The following AKAP13 variants were observed in gnomAD, a reference collection of about 807,000 sequenced individuals.
AKAP13 encodes A-kinase anchor protein 13.
In AKAP13, 80 loss-of-function variants were observed where a neutral mutation model predicts 264.5. The ratio of observed to expected loss-of-function variants is 0.30; its 90% CI spans 0.25 to 0.36. The LOEUF (loss-of-function observed/expected upper bound fraction) is 0.36, where lower values mean the gene tolerates loss of function less well. AKAP13 is among the 10% of genes least tolerant of loss of function. The pLI, the probability that AKAP13 is intolerant of heterozygous loss-of-function variation, is 1.00. For synonymous variants in AKAP13, 1,380 were observed against 1,250.2 expected (o/e 1.10, Z -2.19); for missense variants, 3,712 against 3,435.2 (o/e 1.08, Z -2.01).
At chr15:85,555,584 C>A in intron 5 of AKAP13, 1 of 792,990 alleles carries the variant, frequency 1.3e-6, no homozygotes. Context: ...CAACCTGAAG[C>A]ATCATTGAAC....
Position 85,415,992 on chromosome 15 carries a change from A to G in AKAP13, c.-12+35194A>G, listed in dbSNP as rs553400284. ...TGGATCAAGGCAGATTTGTAAATAG[A>G]AGAATAATGAGTCAGTATGGTAAAT... On this transcript the variant is annotated intron_variant, in intron 1 of 36. Coordinates refer to ENST00000394518, the MANE Select transcript of AKAP13 (RefSeq NM_007200.5). Among the ~76,000 whole-genome samples, 5 of 152,328 alleles carry G rather than the reference A, an allele frequency of 3.3e-5. No individual in the cohort carries two copies. The South Asian group carries it at 1.0e-3, about 32-fold the overall frequency.
At chr15:85,735,884 T>A (rs1329214085) in intron 32 of AKAP13, among the ~76,000 whole-genome samples, 1 of 152,234 alleles carries the variant, frequency 6.6e-6, no homozygotes, top group Non-Finnish European at 1.5e-5. Context: ...AGGACCAGTT[T>A]CATTAGGTTT....
At chr15:85,548,954 A>G (rs927662516) in intron 5 of AKAP13, among the ~76,000 whole-genome samples, 9 of 150,866 alleles carry the variant, frequency 6.0e-5, no homozygotes, top group Non-Finnish European at 1.0e-4. Flanking sequence ...ACTGTCTTCA[A>G]TGGGTTGCTT....
intron 9 of AKAP13, among the ~76,000 whole-genome samples, chr15:85,644,743 G>T (rs921174352): frequency 1.3e-4 from 20 of 150,320 alleles, no homozygotes; most frequent in African/African-American, 4.6e-4. Flanking sequence ...GCACGTGCCT[G>T]TAGTCCCAGC....
At chr15:85,542,231 G>A (rs1183464546) in intron 4 of AKAP13, among the ~76,000 whole-genome samples, 1 of 152,206 alleles carries the variant, frequency 6.6e-6, no homozygotes, top group African/African-American at 2.4e-5. Context: ...ACCTGCACAT[G>A]TAGTTGTTGC....
chr15:85,419,563 G>A (rs763417489), intron 1 of AKAP13, among the ~76,000 whole-genome samples: 9 of 152,114 alleles, frequency 5.9e-5, no homozygotes, highest in African/African-American at 2.2e-4. Context: ...AAGATTCTTG[G>A]TATTCTAGTT....
intron 30 of AKAP13, among the ~76,000 whole-genome samples, chr15:85,731,377 G>GT (rs2088015783): frequency 1.3e-5 from 2 of 152,010 alleles, no homozygotes; most frequent in Non-Finnish European, 2.9e-5. Context: ...ATTTGCTTAT[G>GT]TTTTTTGATA....
intron 1 of AKAP13, among the ~76,000 whole-genome samples, chr15:85,483,272 C>T (rs1596309323): frequency 6.6e-6 from 1 of 152,218 alleles, no homozygotes; most frequent in African/African-American, 2.4e-5. Context: ...AAACCGTGGC[C>T]TGCAGGCTGC....
At chr15:85,692,736 A>G (rs2151638193) in intron 16 of AKAP13, among the ~76,000 whole-genome samples, 1 of 152,346 alleles carries the variant, frequency 6.6e-6, no homozygotes, top group African/African-American at 2.4e-5. Flanking sequence ...ATTTCTAACT[A>G]GAGTAAAGGA....
rs143476050 is a variant in AKAP13, at chr15:85,543,885, C to A, written c.592C>A (p.Gln198Lys). Residue 198 changes from glutamine (Q) to lysine (K), a missense_variant, in exon 5 of 37, where the codon CAG becomes AAG. Physicochemically the swap from Gln to Lys is moderately conservative, Grantham distance 53. Around this residue, in one of 3 missense-constraint regions of AKAP13, gnomAD observed 2,759 missense variants for 2,411.7 expected, o/e 1.14. Transcript: ENST00000394518. The part of the protein sequence containing the change: ...GGRGALSIHN[Q>K]EGATPVSLAL... Reference sequence around the variant, plus strand: ...CCGCGGAGCTCTCAGTATCCACAACCAGGAAGGGGCGACGCCTGTGAGCTT... The same window carrying A: ...CCGCGGAGCTCTCAGTATCCACAACAAGGAAGGGGCGACGCCTGTGAGCTT... 117 of 1,613,980 alleles carry A rather than the reference C, an allele frequency of 7.2e-5. No individual in the cohort carries two copies. The highest frequency in any genetic ancestry group is 9.5e-5 in the Non-Finnish European group (112 of 1,180,008).
chr15:85,735,588 C>T lies in AKAP13; in HGVS notation c.7470C>T (p.Gly2490=), dbSNP rs771928627. Reference sequence around the variant, plus strand: ...GCGAGAAGGAAGAGGGAGATGATGGCCAAGATCTTAGGAGAACGGAATCAG... The same window carrying T: ...GCGAGAAGGAAGAGGGAGATGATGGTCAAGATCTTAGGAGAACGGAATCAG... ...KGGEKEEGDD[G]QDLRRTESDS... Residue 2490 remains glycine, a synonymous_variant, in exon 32 of 37, where the codon GGC becomes GGT. Coordinates refer to ENST00000394518, the MANE Select transcript of AKAP13 (RefSeq NM_007200.5). The T allele has an allele frequency of 1.2e-6, 2 of 1,612,676 alleles. No homozygotes were observed. The highest frequency in any genetic ancestry group is 1.7e-5 in the Admixed American group (1 of 59,886).
At chr15:85,723,615 C>A (rs1234347347) in intron 26 of AKAP13, among the ~76,000 whole-genome samples, 1 of 152,136 alleles carries the variant, frequency 6.6e-6, no homozygotes, top group East Asian at 1.9e-4. Context: ...CATATGCAAG[C>A]TGTCAAGGAA....
chr15:85,576,649 G>A (rs1021661814), intron 6 of AKAP13, among the ~76,000 whole-genome samples: 28 of 152,258 alleles, frequency 1.8e-4, no homozygotes, highest in African/African-American at 6.7e-4. Flanking sequence ...AGGCTTCTTT[G>A]GGAGCATGCA....
intron 1 of AKAP13, among the ~76,000 whole-genome samples, chr15:85,452,585 G>T (rs1003305104): frequency 6.6e-6 from 1 of 152,142 alleles, no homozygotes; most frequent in Non-Finnish European, 1.5e-5. Context: ...TTTGTGTAGG[G>T]TGTTTATTTG....
intron 8 of AKAP13, among the ~76,000 whole-genome samples, chr15:85,604,768 A>G (rs1445536931): frequency 3.6e-5 from 4 of 112,260 alleles, no homozygotes; most frequent in Admixed American, 9.1e-5. Context: ...CCAGCCTTCA[A>G]AGCTTCTTTA....
chr15:85,459,875 A>G (rs887889643), intron 1 of AKAP13, among the ~76,000 whole-genome samples: 24 of 152,116 alleles, frequency 1.6e-4, no homozygotes, highest in Middle Eastern at 3.4e-3. Context: ...CTTAGTCTTC[A>G]CTCTCAAGTA....
At chr15:85,513,958 G>T (rs1448674803) in intron 2 of AKAP13, among the ~76,000 whole-genome samples, 3 of 138,002 alleles carry the variant, frequency 2.2e-5, no homozygotes, top group South Asian at 4.4e-4. Flanking sequence ...TCTTTATTGA[G>T]ATCTTTATTT....
chr15:85,409,857 T>G (rs1311946346), intron 1 of AKAP13, among the ~76,000 whole-genome samples: 2 of 151,376 alleles, frequency 1.3e-5, no homozygotes, highest in Non-Finnish European at 2.9e-5. Context: ...GGTCTCTATA[T>G]CCTGACCTCA....
Position 85,741,392 on chromosome 15 carries a change from A to C in AKAP13, c.7955A>C (p.Glu2652Ala). ...AAGGGCACATACCAGTATGACCTGGAGCGACTGCGTGCTGCCCAGAAACAG... is the reference window on the plus strand; with the variant it reads ...AAGGGCACATACCAGTATGACCTGGCGCGACTGCGTGCTGCCCAGAAACAG... Reference protein sequence around the residue: ...QKKGTYQYDLERLRAAQKQLE... With the variant: ...QKKGTYQYDLARLRAAQKQLE... Residue 2652 changes from glutamate (E) to alanine (A), a missense_variant, in exon 35 of 37, where the codon GAG becomes GCG. This residue lies in a region of AKAP13 where 611 missense variants were observed against 539.3 expected (regional missense o/e 1.13). Transcript: ENST00000394518. 6.2e-7 allele frequency: 1 copy of C among 1,614,020 alleles called. No homozygotes were observed. Among genetic ancestry groups the C allele is most frequent in the East Asian group, 2.2e-5 (1 of 44,862 alleles).
Sources: allele counts gnomAD v4.1 joint callset (sites outside exome capture counted in the v4.1 genomes callset), GRCh38; gene constraint gnomAD v4.1.1; regional missense constraint gnomAD v4.1.1; transcripts MANE v1.5; gene names NCBI Gene and HGNC (gene_info 2026-07-23, HGNC 2026-07-21).